The following TBC1D22A variants were observed in gnomAD, a reference collection of about 807,000 sequenced individuals.
The protein encoded by TBC1D22A is putative GTPase activator.
In TBC1D22A, 38 loss-of-function variants were observed where a neutral mutation model predicts 60.2. That is an observed-to-expected ratio of 0.63 (90% CI 0.49 to 0.83). The LOEUF is 0.83. Ranked by LOEUF, TBC1D22A falls within the 40% of genes least tolerant of loss-of-function variation. The probability of loss-of-function intolerance (pLI) is 0.00; values close to 1 mark genes in which losing one functional copy is unlikely to be tolerated. For synonymous variants in TBC1D22A, 302 were observed against 281.7 expected (o/e 1.07, Z -0.72); for missense variants, 628 against 701.0 (o/e 0.90, Z 1.18).
chr22:46,777,308 A>G lies in TBC1D22A; in HGVS notation c.62+14460A>G, dbSNP rs549424023. Among the ~76,000 whole-genome samples, 1 of 152,302 alleles carries G rather than the reference A, an allele frequency of 6.6e-6. No individual in the cohort carries two copies. Among genetic ancestry groups the G allele is most frequent in the South Asian group, 2.1e-4 (1 of 4,830 alleles). On this transcript the variant is annotated intron_variant, in intron 1 of 12. Transcript: ENST00000337137. The surrounding 1 kb of genome is among the most constrained non-coding windows in gnomAD (Gnocchi z 4.5). ...GAAGAGGGCTCGAGGGAGAGGTACG[A>G]GGCAGGGATGAGCACATTGTCTATT...
chr22:47,019,196 G>A (rs1027100460), intron 10 of TBC1D22A, among the ~76,000 whole-genome samples: 11 of 152,156 alleles, frequency 7.2e-5, no homozygotes, highest in African/African-American at 7.2e-5. Flanking sequence ...TGGGTGGAGC[G>A]GGCAGCACCC....
At chr22:46,773,971 C>G in intron 1 of TBC1D22A, 1 of 985,558 alleles carries the variant, frequency 1.0e-6, no homozygotes, top group Non-Finnish European at 1.2e-6. Flanking sequence ...CTTATCTCCT[C>G]CATTCCCTAG....
chr22:46,909,817 C>G (rs1250898775), intron 7 of TBC1D22A, among the ~76,000 whole-genome samples: 1 of 152,202 alleles, frequency 6.6e-6, no homozygotes, highest in Admixed American at 6.5e-5. Context: ...TGCCTGTCTT[C>G]TAGTCACACG....
chr22:47,064,134 T>C (rs2063678880), intron 11 of TBC1D22A, among the ~76,000 whole-genome samples: 1 of 152,206 alleles, frequency 6.6e-6, no homozygotes, highest in African/African-American at 2.4e-5. Flanking sequence ...ACGGATCCAC[T>C]CGCTGTGGAC....
At chr22:46,880,431 C>T (rs1026688302) in intron 5 of TBC1D22A, among the ~76,000 whole-genome samples, 2 of 152,118 alleles carry the variant, frequency 1.3e-5, no homozygotes, top group Non-Finnish European at 2.9e-5. Context: ...ATCTTGGGGG[C>T]CCAAGCATTT....
chr22:46,878,563 A>G, intron 4 of TBC1D22A, 90 bp from the exon 5 acceptor site: 3 of 1,069,346 alleles, frequency 2.8e-6, no homozygotes, highest in Non-Finnish European at 2.9e-6. Context: ...CTTGCCTCCT[A>G]ATTAAACAGG....
At chr22:46,915,909 C>T (rs1194048561) in intron 8 of TBC1D22A, 2 of 450,354 alleles carry the variant, frequency 4.4e-6, no homozygotes, top group Non-Finnish European at 9.0e-6. Flanking sequence ...GGTTCCAACT[C>T]TGCACATGCT....
intron 8 of TBC1D22A, among the ~76,000 whole-genome samples, chr22:46,932,639 G>A (rs964422567): frequency 1.3e-5 from 2 of 151,882 alleles, no homozygotes; most frequent in Admixed American, 6.6e-5. Flanking sequence ...AGGGGCGATC[G>A]CGGTGGAGAT....
chr22:47,096,891 A>T (rs928125690), intron 11 of TBC1D22A, among the ~76,000 whole-genome samples: 5 of 152,234 alleles, frequency 3.3e-5, no homozygotes, highest in Admixed American at 1.3e-4. Flanking sequence ...TTTAGGCGCC[A>T]CTTTCTCCCC....
rs116238026 is a variant in TBC1D22A, at chr22:46,905,347, G to C, written c.901-6727G>C. Among the ~76,000 whole-genome samples, 133 of 152,320 alleles carry C rather than the reference G, an allele frequency of 8.7e-4. 1 individual carries two copies. The highest frequency in any genetic ancestry group is 3.0e-3 in the African/African-American group (125 of 41,570). On this transcript the variant is annotated intron_variant, in intron 7 of 12. Coordinates refer to ENST00000337137, the MANE Select transcript of TBC1D22A (RefSeq NM_014346.5). ...GAGGAGGCCTCTGTCCTTTCTGATG[G>C]AGACAGTCATCCTGTGAGTTGGCTT... is the stretch of plus-strand genomic sequence containing the variant.
chr22:47,040,922 G>A (rs996870922), intron 11 of TBC1D22A, among the ~76,000 whole-genome samples: 5 of 152,198 alleles, frequency 3.3e-5, no homozygotes, highest in South Asian at 2.1e-4. Context: ...GCCACCTCTC[G>A]TTTGAGATCC....
At chr22:47,141,682 C>G (rs148985709) in intron 12 of TBC1D22A, among the ~76,000 whole-genome samples, 369 of 152,324 alleles carry the variant, frequency 2.4e-3, no homozygotes, top group Non-Finnish European at 3.6e-3. Flanking sequence ...AGATTTGAGC[C>G]ACACGCCTGT....
intron 6 of TBC1D22A, among the ~76,000 whole-genome samples, chr22:46,891,979 G>A (rs2068431255): frequency 6.6e-6 from 1 of 152,168 alleles, no homozygotes; most frequent in South Asian, 2.1e-4. Flanking sequence ...TTCTTAAATA[G>A]TCAGTTGACA....
chr22:46,903,486 C>G (rs1026014842), intron 7 of TBC1D22A, among the ~76,000 whole-genome samples: 9 of 152,210 alleles, frequency 5.9e-5, no homozygotes, highest in Non-Finnish European at 8.8e-5. Flanking sequence ...TCGGCTCTTC[C>G]TGTTTCGCTT....
At chr22:46,984,254 C>T (rs949518125) in intron 9 of TBC1D22A, among the ~76,000 whole-genome samples, 9 of 151,262 alleles carry the variant, frequency 5.9e-5, no homozygotes, top group Non-Finnish European at 1.0e-4. Context: ...GTAATCCCAT[C>T]TACTTGGGAG....
chr22:46,992,254 C>T (rs548811735), intron 9 of TBC1D22A, among the ~76,000 whole-genome samples: 5 of 152,372 alleles, frequency 3.3e-5, no homozygotes, highest in South Asian at 2.1e-4. Flanking sequence ...CCCCTCCTGG[C>T]GGAGTCACAC....
intron 4 of TBC1D22A, among the ~76,000 whole-genome samples, chr22:46,807,485 G>A: frequency 6.6e-6 from 1 of 152,164 alleles, no homozygotes. Flanking sequence ...AGAAGCACAT[G>A]CATGCGTCTG....
Position 46,831,155 on chromosome 22 carries a change from G to A in TBC1D22A, c.637+33535G>A, listed in dbSNP as rs189062229. Among the ~76,000 whole-genome samples the A allele has an allele frequency of 9.2e-5, 14 of 152,312 alleles. 1 individual carries two copies. The East Asian group carries it at 2.7e-3, about 29-fold the overall frequency. ...GTTGGTGGACGAAATCACCCAGTGGGCTCTTGTCAGGCAGGAGCAGAGAGC... is the reference window on the plus strand; with the variant it reads ...GTTGGTGGACGAAATCACCCAGTGGACTCTTGTCAGGCAGGAGCAGAGAGC... On this transcript the variant is annotated intron_variant, in intron 4 of 12. Transcript: ENST00000337137.
At chr22:47,124,182 C>T (rs919906201) in intron 12 of TBC1D22A, among the ~76,000 whole-genome samples, 9 of 152,156 alleles carry the variant, frequency 5.9e-5, no homozygotes, top group African/African-American at 2.2e-4. Flanking sequence ...ATCCCTGCTG[C>T]TGCGGTGGGG....
Sources: gnomAD v4.1 joint callset for allele counts (sites outside exome capture counted in the v4.1 genomes callset) on GRCh38, gnomAD v4.1.1 for gene constraint, Gnocchi (gnomAD v3.1) non-coding constraint, MANE v1.5 for transcripts, NCBI Gene and HGNC (gene_info 2026-07-23, HGNC 2026-07-21) for gene names.